Variants in MRTFB observed in about 807,000 individuals in gnomAD.
MRTFB encodes myocardin-related transcription factor B.
Under a neutral mutation model 104.2 loss-of-function variants are expected in MRTFB, and 29 were observed. The ratio of observed to expected loss-of-function variants is 0.28; its 90% CI spans 0.21 to 0.38. MRTFB has a LOEUF of 0.38. MRTFB is among the 10% of genes least tolerant of loss of function. The probability of loss-of-function intolerance (pLI) is 1.00; values close to 1 mark genes in which losing one functional copy is unlikely to be tolerated. For missense variants in MRTFB, 1,270 were observed against 1,341.6 expected (o/e 0.95, Z 0.83); for synonymous variants, 535 against 519.5 (o/e 1.03, Z -0.41).
chr16:14,068,288 G>A (rs1036542685), upstream of MRTFB, among the ~76,000 whole-genome samples: 2 of 152,106 alleles, frequency 1.3e-5, no homozygotes, highest in East Asian at 1.9e-4. Context: ...GCACTTTTCC[G>A]TATGCTTCAC....
intron 10 of MRTFB, among the ~76,000 whole-genome samples, chr16:14,245,212 T>G (rs1405544734): frequency 1.3e-5 from 2 of 152,112 alleles, no homozygotes; most frequent in East Asian, 3.9e-4. Context: ...ACATCACACA[T>G]TAATTACGTG....
the MRTFB span, among the ~76,000 whole-genome samples, chr16:14,062,517 G>A: frequency 2.6e-5 from 4 of 152,136 alleles, no homozygotes; most frequent in Non-Finnish European, 5.9e-5. Context: ...GAGTGGGCTG[G>A]CTTCCTGGGT....
the MRTFB span, among the ~76,000 whole-genome samples, chr16:13,994,859 C>T: frequency 1.3e-5 from 2 of 152,142 alleles, no homozygotes; most frequent in African/African-American, 2.4e-5. Context: ...TGAGACGACC[C>T]GTAAACCCCT....
chr16:14,149,338 C>T (rs1173644586), intron 3 of MRTFB: 1 of 152,044 alleles, frequency 6.6e-6, no homozygotes, highest in Non-Finnish European at 1.5e-5. Flanking sequence ...ACAAGAAAAG[C>T]AAAAAGTCTG....
At position 14,240,149 on chromosome 16, in the gene MRTFB, T is replaced by TTTAA. The variant is rs200915161; in HGVS notation, c.832-85_832-82dup. On this transcript the variant is annotated intron_variant, in intron 9 of 16. Coordinates refer to ENST00000571589, the MANE Select transcript of MRTFB (RefSeq NM_001308142.2). ...TACCCGTATCTAAGGTACATTTCTT[T>TTTAA]TTAATTTCAAATCATTTAGTCACGC... The TTTAA allele has an allele frequency of 2.2e-4, 320 of 1,450,594 alleles. 1 individual carries two copies. In the East Asian group the frequency reaches 7.5e-3, roughly 34 times the overall value. 89.9% of individuals were successfully genotyped at this position (1,450,594 alleles called of 1,614,324 possible). A position where few individuals can be genotyped will look rare whatever the true frequency, so the allele number is the denominator to read the frequency against.
At chr16:14,160,256 A>AT (rs1022433255) in intron 3 of MRTFB, among the ~76,000 whole-genome samples, 2 of 151,996 alleles carry the variant, frequency 1.3e-5, no homozygotes, top group African/African-American at 4.8e-5. Flanking sequence ...ATGACTTGCC[A>AT]TTTTTGAAGA....
chr16:14,199,256 T>C (rs1354902105), intron 3 of MRTFB, among the ~76,000 whole-genome samples: 6 of 152,204 alleles, frequency 3.9e-5, no homozygotes, highest in Non-Finnish European at 8.8e-5. Flanking sequence ...TGCCTTCCTT[T>C]GTTGGATCTT....
intron 1 of MRTFB, among the ~76,000 whole-genome samples, chr16:14,076,622 A>C (rs1266688985): frequency 6.6e-6 from 1 of 152,156 alleles, no homozygotes; most frequent in African/African-American, 2.4e-5. Context: ...CCTTGTGCAC[A>C]TATTATTTTG....
Position 14,177,466 on chromosome 16 carries a change from G to T in MRTFB, c.155-32777G>T, listed in dbSNP as rs1221794725. ...TTTGTTTGTTTGTTTTTTAATCTTTGTTTTTTCACCTAGCAAAAGTGTGTC... is the reference window on the plus strand; with the variant it reads ...TTTGTTTGTTTGTTTTTTAATCTTTTTTTTTTCACCTAGCAAAAGTGTGTC... On this transcript the variant is annotated intron_variant, in intron 3 of 16. Coordinates refer to ENST00000571589, the MANE Select transcript of MRTFB (RefSeq NM_001308142.2). This position sits in a 1 kb window ranked among gnomAD's most constrained non-coding sequence, Gnocchi z 4.7. Among the ~76,000 whole-genome samples the T allele has an allele frequency of 2.0e-5, 3 of 152,048 alleles. No homozygotes were observed. Among genetic ancestry groups the T allele is most frequent in the African/African-American group, 7.2e-5 (3 of 41,398 alleles).
chr16:14,070,333 G>A (rs758828152), upstream of MRTFB, among the ~76,000 whole-genome samples: 2 of 152,146 alleles, frequency 1.3e-5, no homozygotes, highest in Non-Finnish European at 2.9e-5. Flanking sequence ...TGATATGCCC[G>A]CAATAAATGT....
intron 16 of MRTFB, among the ~76,000 whole-genome samples, chr16:14,259,788 A>G (rs1383029809): frequency 6.6e-6 from 1 of 152,194 alleles, no homozygotes; most frequent in East Asian, 1.9e-4. Flanking sequence ...AAAAAAGACT[A>G]GTTACTTAGA....
chr16:14,005,223 A>G, the MRTFB span, among the ~76,000 whole-genome samples: 4 of 152,334 alleles, frequency 2.6e-5, no homozygotes, highest in Admixed American at 2.0e-4. Context: ...TTTTTAAAGT[A>G]ATGAAGGGAG....
intron 8 of MRTFB, among the ~76,000 whole-genome samples, chr16:14,220,540 T>C (rs2041646824): frequency 6.6e-6 from 1 of 152,238 alleles, no homozygotes; most frequent in Admixed American, 6.5e-5. Context: ...AAGTTTTTAA[T>C]TGAGACGCTT....
chr16:14,024,311 T>G, the MRTFB span, among the ~76,000 whole-genome samples: 1 of 152,242 alleles, frequency 6.6e-6, no homozygotes, highest in Non-Finnish European at 1.5e-5. Flanking sequence ...ATGCATTTTA[T>G]AAGCACATTG....
the MRTFB span, among the ~76,000 whole-genome samples, chr16:14,012,780 C>T: frequency 1.3e-5 from 2 of 152,014 alleles, no homozygotes; most frequent in Admixed American, 1.3e-4. Context: ...AGTCCAAAGC[C>T]CATACTCTAA....
chr16:14,159,652 G>T (rs143884318), intron 3 of MRTFB, among the ~76,000 whole-genome samples: 1,640 of 152,170 alleles, frequency 0.011, 33 homozygotes, highest in African/African-American at 0.037. Flanking sequence ...AATCATGGCC[G>T]GGCGCGGTGG....
the MRTFB span, among the ~76,000 whole-genome samples, chr16:14,011,546 C>A: frequency 6.6e-6 from 1 of 152,136 alleles, no homozygotes; most frequent in Non-Finnish European, 1.5e-5. Context: ...ACTGTGAATC[C>A]CTAAGTATTT....
chr16:14,217,607 G>C (rs149411335), intron 7 of MRTFB, among the ~76,000 whole-genome samples: 2 of 152,184 alleles, frequency 1.3e-5, no homozygotes, highest in Non-Finnish European at 2.9e-5. Flanking sequence ...ACTACAAATT[G>C]CCTAAGCTTT....
At chr16:14,210,403 C>G (rs1748973692) in intron 4 of MRTFB, 95 bp downstream of exon 4, 1 of 889,654 alleles carries the variant, frequency 1.1e-6, no homozygotes, top group East Asian at 2.6e-5. Context: ...TCAGTTGTAT[C>G]CATTTAATCA....
Sources: allele counts gnomAD v4.1 joint callset (sites outside exome capture counted in the v4.1 genomes callset), GRCh38; gene constraint gnomAD v4.1.1; non-coding constraint Gnocchi (gnomAD v3.1); transcripts MANE v1.5; gene names NCBI Gene and HGNC (gene_info 2026-07-23, HGNC 2026-07-21).